The following C1orf105 variants were observed in gnomAD, a reference collection of about 807,000 sequenced individuals.
C1orf105 encodes chromosome 1 open reading frame 105, also known as uncharacterized protein C1orf105.
C1orf105 carries 17 observed loss-of-function variants against 20.8 expected under a neutral mutation model. That is an observed-to-expected ratio of 0.82 (90% CI 0.56 to 1.23). The LOEUF (loss-of-function observed/expected upper bound fraction) is 1.23. Among genes scored for constraint, C1orf105 ranks in the 50% most tolerant of loss-of-function variants. C1orf105 has a pLI of 0.00. For missense variants in C1orf105, 219 were observed against 213.5 expected (o/e 1.03, Z -0.16); for synonymous variants, 72 against 72.1 (o/e 1.00, Z 0.01).
chr1:172,431,902 C>G (rs2071885878), intron 1 of C1orf105, among the ~76,000 whole-genome samples: 1 of 152,256 alleles, frequency 6.6e-6, no homozygotes, highest in African/African-American at 2.4e-5. Context: ...CTGTGCTTTT[C>G]CCAAGGTCTT....
intron 1 of C1orf105, among the ~76,000 whole-genome samples, chr1:172,427,073 C>T (rs530166107): frequency 5.1e-4 from 77 of 152,298 alleles, no homozygotes; most frequent in African/African-American, 1.8e-3. Context: ...ACTAAGCATC[C>T]CTTGTTCATT....
chr1:172,429,086 G>C (rs2071795685), intron 1 of C1orf105, among the ~76,000 whole-genome samples: 1 of 152,240 alleles, frequency 6.6e-6, no homozygotes. Flanking sequence ...CACAGGCTTT[G>C]TGTAAGAAAA....
intron 4 of C1orf105, among the ~76,000 whole-genome samples, chr1:172,459,799 A>G (rs1649563096): frequency 6.6e-6 from 1 of 152,194 alleles, no homozygotes; most frequent in Non-Finnish European, 1.5e-5. Context: ...GAAATAACCC[A>G]AATGCCTAGG....
chr1:172,442,456 C>G lies in C1orf105; in HGVS notation c.22-2617C>G, dbSNP rs781298944. 6 of 1,614,084 alleles carry G rather than the reference C, an allele frequency of 3.7e-6. No individual in the cohort carries two copies. In the Admixed American group the frequency reaches 8.3e-5, roughly 22 times the overall value. On this transcript the variant is annotated intron_variant, in intron 1 of 6. Transcript: ENST00000367727. ...ACTGCACAGCTGCTGGATCACCACA[C>G]TGGACTCAAATACCACAGCCCAATA...
chr1:172,466,617 A>G (rs966768625), intron 6 of C1orf105, among the ~76,000 whole-genome samples: 1 of 137,286 alleles, frequency 7.3e-6, no homozygotes, highest in Non-Finnish European at 1.6e-5. Context: ...CACACACACA[A>G]TCACACACAA....
chr1:172,453,956 TG>T lies in C1orf105; in HGVS notation c.199-2456del, dbSNP rs1275284586. On this transcript the variant is annotated intron_variant, in intron 3 of 6. Transcript: ENST00000367727. Reference sequence around the variant, plus strand: ...CTAAGAGATGACAGTCATTATGTTATGGGACTCTGTACTCACATTTACAGTT... The same window carrying T: ...CTAAGAGATGACAGTCATTATGTTATGGACTCTGTACTCACATTTACAGTT... Among the ~76,000 whole-genome samples, 9 of 152,316 alleles carry T rather than the reference TG, an allele frequency of 5.9e-5. No homozygotes were observed. The East Asian group carries it at 1.7e-3, about 29-fold the overall frequency.
At chr1:172,450,157 G>A (rs142660422) in intron 3 of C1orf105, among the ~76,000 whole-genome samples, 3 of 152,380 alleles carry the variant, frequency 2.0e-5, no homozygotes, top group Non-Finnish European at 4.4e-5. Flanking sequence ...TGGGAGGCCA[G>A]TTTCCCGGCT....
intron 2 of C1orf105, among the ~76,000 whole-genome samples, chr1:172,448,147 G>T (rs1346859898): frequency 6.6e-6 from 1 of 152,188 alleles, no homozygotes; most frequent in Admixed American, 6.5e-5. Flanking sequence ...GGAAACCTGG[G>T]ATTCATTTCG....
At chr1:172,428,945 G>T (rs1349021025) in intron 1 of C1orf105, 8 of 572,222 alleles carry the variant, frequency 1.4e-5, no homozygotes, top group Non-Finnish European at 2.4e-5. Context: ...ATATTTTGTT[G>T]GATTTTGGGG....
intron 1 of C1orf105, chr1:172,443,855 T>C (rs3213563): frequency 0.53 from 301,024 of 570,612 alleles, 84,256 homozygotes; most frequent in East Asian, 0.65. Context: ...CCTTCACTCT[T>C]CTGGCACCCC....
At chr1:172,422,584 C>CT (rs933117406) in intron 1 of C1orf105, among the ~76,000 whole-genome samples, 8 of 151,858 alleles carry the variant, frequency 5.3e-5, no homozygotes, top group African/African-American at 1.9e-4. Context: ...GGAGAGACCA[C>CT]TTCTGCTTGA....
chr1:172,463,496 T>C (rs1390726555), intron 5 of C1orf105, among the ~76,000 whole-genome samples: 1 of 152,208 alleles, frequency 6.6e-6, no homozygotes, highest in Non-Finnish European at 1.5e-5. Context: ...AAGTGGCTAT[T>C]TGAGCAGTAC....
At chr1:172,446,110 G>A (rs1476398448) in intron 2 of C1orf105, among the ~76,000 whole-genome samples, 1 of 152,078 alleles carries the variant, frequency 6.6e-6, no homozygotes, top group African/African-American at 2.4e-5. Context: ...CAGTAAATAG[G>A]TAGACGGTTT....
chr1:172,433,571 C>G (rs570846314), intron 1 of C1orf105, among the ~76,000 whole-genome samples: 29 of 152,284 alleles, frequency 1.9e-4, no homozygotes, highest in Non-Finnish European at 4.0e-4. Flanking sequence ...GTTGTCACCA[C>G]CAGGCCTGCC....
At chr1:172,430,098 G>A (rs909712088) in intron 1 of C1orf105, among the ~76,000 whole-genome samples, 17 of 152,296 alleles carry the variant, frequency 1.1e-4, no homozygotes, top group African/African-American at 4.1e-4. Flanking sequence ...CAATGCTACT[G>A]TAAACTTTTC....
At chr1:172,453,398 G>A (rs987833355) in intron 3 of C1orf105, among the ~76,000 whole-genome samples, 3 of 152,232 alleles carry the variant, frequency 2.0e-5, no homozygotes, top group African/African-American at 7.2e-5. Context: ...CGTCTAGCCA[G>A]TGTTCTTCCC....
intron 5 of C1orf105, among the ~76,000 whole-genome samples, chr1:172,463,025 C>T (rs1489390503): frequency 6.6e-6 from 1 of 152,162 alleles, no homozygotes; most frequent in African/African-American, 2.4e-5. Context: ...GATCTGCCCG[C>T]CTCGGCCTCC....
intron 3 of C1orf105, among the ~76,000 whole-genome samples, chr1:172,455,523 G>T (rs1021123030): frequency 6.6e-6 from 1 of 152,220 alleles, no homozygotes; most frequent in East Asian, 1.9e-4. Flanking sequence ...AATGAGGAAG[G>T]TTAAGAGAGA....
At chr1:172,437,542 CT>C (rs1408903290) in intron 1 of C1orf105, among the ~76,000 whole-genome samples, 2 of 123,444 alleles carry the variant, frequency 1.6e-5, no homozygotes, top group Non-Finnish European at 3.1e-5. Context: ...AATGAGAACA[CT>C]TTGACACAGG....
Sources: gnomAD v4.1 joint callset for allele counts (sites outside exome capture counted in the v4.1 genomes callset) on GRCh38, gnomAD v4.1.1 for gene constraint, MANE v1.5 for transcripts, NCBI Gene and HGNC (gene_info 2026-07-23, HGNC 2026-07-21) for gene names.